MMD2: variants seen among roughly 807,000 people sequenced by gnomAD.
The protein encoded by MMD2 is monocyte to macrophage differentiation factor 2.
MMD2 carries 30 observed loss-of-function variants against 33.5 expected under a neutral mutation model. The ratio of observed to expected loss-of-function variants is 0.90; its 90% CI spans 0.67 to 1.22. The LOEUF (loss-of-function observed/expected upper bound fraction) is 1.22. MMD2 is among the 50% of genes most tolerant of loss of function. MMD2 has a pLI of 0.00. For synonymous variants in MMD2, 129 were observed against 123.0 expected (o/e 1.05, Z -0.32); for missense variants, 364 against 325.4 (o/e 1.12, Z -0.91).
the MMD2 span, among the ~76,000 whole-genome samples, chr7:4,893,577 A>G: frequency 6.6e-6 from 1 of 151,952 alleles, no homozygotes; most frequent in African/African-American, 2.4e-5. Flanking sequence ...TTTTTAGTAC[A>G]GACATGGTTT....
the MMD2 span, among the ~76,000 whole-genome samples, chr7:4,894,846 C>G: frequency 6.6e-6 from 1 of 151,980 alleles, no homozygotes; most frequent in Non-Finnish European, 1.5e-5. This position sits in a 1 kb window ranked among gnomAD's most constrained non-coding sequence, Gnocchi z 4.3. Flanking sequence ...ATCAGGTCAC[C>G]CAAACAAGTT....
At position 4,946,817 on chromosome 7, in the gene MMD2, G is replaced by A. The variant is rs552440511; in HGVS notation, c.47+12154C>T. Among the ~76,000 whole-genome samples, 53 of 152,144 alleles carry A rather than the reference G, an allele frequency of 3.5e-4. No homozygotes were observed. The highest frequency in any genetic ancestry group is 8.7e-4 in the African/African-American group (36 of 41,514). ...TGCAATCATAGCTCACTGCAGCCTCGAATTCCTGGGCTCAACGGATCCTCC... is the reference window on the plus strand; with the variant it reads ...TGCAATCATAGCTCACTGCAGCCTCAAATTCCTGGGCTCAACGGATCCTCC... On this transcript the variant is annotated intron_variant, in intron 1 of 6. Transcript: ENST00000401401. This position sits in a 1 kb window ranked among gnomAD's most constrained non-coding sequence, Gnocchi z 5.0.
chr7:4,915,554 A>G (rs1048429126), intron 4 of MMD2, among the ~76,000 whole-genome samples: 6 of 152,064 alleles, frequency 3.9e-5, no homozygotes, highest in African/African-American at 1.4e-4. Flanking sequence ...AGCCTGGCCA[A>G]CATGGTGAAA....
At chr7:4,909,996 C>T (rs747236601) in intron 5 of MMD2, 46 bp from the exon 6 acceptor site, 75 of 1,613,958 alleles carry the variant, frequency 4.6e-5, no homozygotes, top group East Asian at 4.0e-4. Context: ...TGCCTCCCCA[C>T]GAAGAAACTG....
At chr7:4,952,208 G>T (rs1786264218) in intron 1 of MMD2, among the ~76,000 whole-genome samples, 1 of 152,192 alleles carries the variant, frequency 6.6e-6, no homozygotes, top group African/African-American at 2.4e-5. Flanking sequence ...CTGGGGAGAG[G>T]TGTGCAAAGC....
chr7:4,945,249 T>TTCTTCTTCTTCTTCTTCTTCTTCTTC (rs1491219177), intron 1 of MMD2, among the ~76,000 whole-genome samples: 1 of 144,212 alleles, frequency 6.9e-6, no homozygotes. Flanking sequence ...CCTCTCTCTC[T>TTCTTCTTCTTCTTCTTCTTCTTCTTC]TTCTTTCCCT....
At chr7:4,958,904 C>T in intron 1 of MMD2, 67 bp downstream of exon 1, 2 of 1,249,916 alleles carry the variant, frequency 1.6e-6, no homozygotes, top group South Asian at 2.9e-5. Context: ...ACCAAGGTGG[C>T]CTCCGCGGCC....
chr7:4,895,839 C>G, the MMD2 span, among the ~76,000 whole-genome samples: 1 of 152,098 alleles, frequency 6.6e-6, no homozygotes, highest in Non-Finnish European at 1.5e-5. Flanking sequence ...CGGCTGAGCC[C>G]AGGCATTCTG....
chr7:4,950,224 GAGT>G (rs1786203870), intron 1 of MMD2, among the ~76,000 whole-genome samples: 1 of 151,882 alleles, frequency 6.6e-6, no homozygotes, highest in Non-Finnish European at 1.5e-5. Flanking sequence ...TCAGTCTCCT[GAGT>G]AGCTGGGATT....
intron 2 of MMD2, among the ~76,000 whole-genome samples, chr7:4,924,446 T>C (rs1785370877): frequency 6.6e-6 from 1 of 152,268 alleles, no homozygotes; most frequent in Non-Finnish European, 1.5e-5. Flanking sequence ...TGAGATGTCC[T>C]GAGATATCAA....
intron 4 of MMD2, among the ~76,000 whole-genome samples, chr7:4,914,989 T>C (rs6947806): frequency 2.0e-4 from 31 of 152,184 alleles, no homozygotes; most frequent in African/African-American, 7.5e-4. Context: ...ACTTTTAAAA[T>C]GTGGCCATTG....
chr7:4,939,738 CTTTCTTTTT>C (rs1192365918), intron 1 of MMD2, among the ~76,000 whole-genome samples: 3 of 135,144 alleles, frequency 2.2e-5, no homozygotes, highest in African/African-American at 9.0e-5. Flanking sequence ...TTCTTTCTTT[CTTTCTTTTT>C]TTTTTTTTTT....
the MMD2 span, among the ~76,000 whole-genome samples, chr7:4,895,858 G>A: frequency 6.6e-6 from 1 of 152,140 alleles, no homozygotes; most frequent in Non-Finnish European, 1.5e-5. Context: ...TGTATCATCA[G>A]GACAACCTGT....
At chr7:4,939,718 TC>T (rs1438426879) in intron 1 of MMD2, among the ~76,000 whole-genome samples, 1 of 151,218 alleles carries the variant, frequency 6.6e-6, no homozygotes. Context: ...TGCACACACT[TC>T]CAATCTATTT....
intron 4 of MMD2, among the ~76,000 whole-genome samples, chr7:4,914,670 C>G (rs1785097276): frequency 6.6e-6 from 1 of 152,126 alleles, no homozygotes; most frequent in African/African-American, 2.4e-5. Flanking sequence ...GTGGCTCGCA[C>G]CTGTAATCTC....
chr7:4,929,307 C>A (rs544619149), intron 1 of MMD2, among the ~76,000 whole-genome samples: 139 of 152,202 alleles, frequency 9.1e-4, no homozygotes, highest in African/African-American at 3.2e-3. Flanking sequence ...GAGACACCAA[C>A]CCCCATCTCC....
At chr7:4,907,692 C>T in intron 6 of MMD2, 93 bp from the exon 7 acceptor site, 5 of 1,305,652 alleles carry the variant, frequency 3.8e-6, no homozygotes, top group Non-Finnish European at 5.4e-6. Context: ...AACCAAAAGA[C>T]ATGCAGATGG....
chr7:4,892,617 A>AATAAATCT, the MMD2 span, among the ~76,000 whole-genome samples: 3 of 149,262 alleles, frequency 2.0e-5, no homozygotes, highest in African/African-American at 7.4e-5. Context: ...TAAATAAATA[A>AATAAATCT]ATCTGAAAAA....
At chr7:4,899,733 A>C in the MMD2 span, among the ~76,000 whole-genome samples, 1 of 152,142 alleles carries the variant, frequency 6.6e-6, no homozygotes, top group Non-Finnish European at 1.5e-5. Context: ...TTCAACAAAA[A>C]GGCTTGAAAA....
Sources: gnomAD v4.1 joint callset for allele counts (sites outside exome capture counted in the v4.1 genomes callset) on GRCh38, gnomAD v4.1.1 for gene constraint, Gnocchi (gnomAD v3.1) non-coding constraint, MANE v1.5 for transcripts, NCBI Gene and HGNC (gene_info 2026-07-23, HGNC 2026-07-21) for gene names.